Variants in EP300 observed in about 807,000 individuals in gnomAD.
EP300 encodes histone acetyltransferase p300.
In EP300, 31 loss-of-function variants were observed where a neutral mutation model predicts 264.0. The ratio of observed to expected loss-of-function variants is 0.12; its 90% CI spans 0.09 to 0.16. The LOEUF (loss-of-function observed/expected upper bound fraction) is 0.16, where lower values mean the gene tolerates loss of function less well. EP300 is among the 10% of genes least tolerant of loss of function. The probability of loss-of-function intolerance (pLI) is 1.00; values close to 1 mark genes in which losing one functional copy is unlikely to be tolerated. For synonymous variants in EP300, 1,340 were observed against 1,045.4 expected, an observed-to-expected ratio of 1.28 and a Z score of -5.44; for missense variants, 2,766 against 3,052.9, an observed-to-expected ratio of 0.91 and a Z score of 2.21.
chr22:41,137,546 G>A (rs1347017375), intron 7 of EP300, 107 bp from the exon 8 acceptor site: 11 of 1,453,266 alleles, frequency 7.6e-6, no homozygotes, highest in Non-Finnish European at 1.1e-5. Context: ...GCGAATAGAA[G>A]TGACATAGCA....
At chr22:41,172,785 C>A in intron 28 of EP300, 122 bp downstream of exon 28, 1 of 1,079,568 alleles carries the variant, frequency 9.3e-7, no homozygotes, top group Non-Finnish European at 1.4e-6. Context: ...TTAAGTTGGA[C>A]AAGAAATATT....
At chr22:41,127,284 C>G (rs1420020237) in intron 3 of EP300, among the ~76,000 whole-genome samples, 1 of 151,994 alleles carries the variant, frequency 6.6e-6, no homozygotes, top group Non-Finnish European at 1.5e-5. Context: ...ACTTATATCA[C>G]TTCGTAATGT....
chr22:41,168,444 C>G lies in EP300; in HGVS notation c.3875-5C>G, dbSNP rs2059152458. On this transcript the variant is annotated splice_polypyrimidine_tract_variant and splice_region_variant and intron_variant, in intron 23 of 30. Transcript: ENST00000263253. ...CTCAGTAACTTTTAACTTTTACATT[C>G]CTAGGGTTGCCATCTACCAGACTTG... The G allele has an allele frequency of 1.2e-6, 2 of 1,613,928 alleles. No homozygotes were observed. The highest frequency in any genetic ancestry group is 3.3e-5 in the Admixed American group (2 of 59,998).
chr22:41,157,032 C>A (rs574196718), intron 17 of EP300, 137 bp from the exon 18 acceptor site: 2 of 979,146 alleles, frequency 2.0e-6, no homozygotes, highest in Admixed American at 4.4e-5. Context: ...TGATGGACAT[C>A]AGTCACCTCT....
Position 41,149,814 on chromosome 22 carries a change from G to T in EP300, c.2433G>T (p.Gly811=), listed in dbSNP as rs758236037. ...CPVNSPIMPP[G]SQGSHIHCPQ... is the part of the protein sequence containing the mutation. ...TGAACTCTCCTATAATGCCTCCAGG[G>T]TCTCAGGGGAGCCACATTCACTGTC... Residue 811 remains glycine, a synonymous_variant, in exon 14 of 31, where the codon GGG becomes GGT. Transcript: ENST00000263253. The T allele has an allele frequency of 6.2e-7, 1 of 1,613,914 alleles. No individual in the cohort carries two copies. Among genetic ancestry groups the T allele is most frequent in the Non-Finnish European group, 8.5e-7 (1 of 1,179,968 alleles).
At chr22:41,110,705 C>T (rs2058785165) in intron 1 of EP300, among the ~76,000 whole-genome samples, 1 of 150,934 alleles carries the variant, frequency 6.6e-6, no homozygotes, top group Admixed American at 6.6e-5. Flanking sequence ...TTCTGGCTGT[C>T]TTTTCCTTTT....
intron 1 of EP300, among the ~76,000 whole-genome samples, chr22:41,114,144 T>C (rs1448534890): frequency 6.6e-6 from 1 of 152,152 alleles, no homozygotes; most frequent in Admixed American, 6.6e-5. Context: ...ATAGTGGTTT[T>C]AGGTCAGTTT....
intron 22 of EP300, among the ~76,000 whole-genome samples, chr22:41,165,466 C>T (rs1209974770): frequency 1.3e-5 from 2 of 152,100 alleles, no homozygotes; most frequent in Non-Finnish European, 2.9e-5. Flanking sequence ...TCTTGTTGCC[C>T]AGGCTGGAGT....
chr22:41,137,877 A>T (rs1056357066), intron 8 of EP300, 87 bp downstream of exon 8: 1 of 1,570,360 alleles, frequency 6.4e-7, no homozygotes, highest in Non-Finnish European at 8.7e-7. Flanking sequence ...TTACTAAAGG[A>T]ATATTAGCAA....
chr22:41,146,588 C>T (rs1260304166), intron 10 of EP300, 151 bp from the exon 11 acceptor site: 2 of 703,610 alleles, frequency 2.8e-6, no homozygotes, highest in African/African-American at 1.8e-5. Context: ...TTTCTTCAAG[C>T]TTCTGTCTAG....
rs1288457396 is a variant in EP300, at chr22:41,178,805, C to A, written c.7094C>A (p.Ala2365Asp). The A allele has an allele frequency of 6.2e-7, 1 of 1,614,148 alleles. No homozygotes were observed. Among genetic ancestry groups the A allele is most frequent in the South Asian group, 1.1e-5 (1 of 91,082 alleles). The change falls in exon 31 of 31, where the codon GCC becomes GAC. Residue 2365 changes from alanine (A) to aspartate (D), a missense_variant. Physicochemically the swap from Ala to Asp is moderately radical, Grantham distance 126. Coordinates refer to ENST00000263253, the MANE Select transcript of EP300 (RefSeq NM_001429.4). ...QANPMEQGHF[A>D]SPDQNSMLSQ... The stretch of plus-strand genomic sequence containing the variant: ...AACCCCATGGAACAAGGGCATTTTG[C>A]CAGCCCGGACCAGAATTCAATGCTT...
intron 5 of EP300, among the ~76,000 whole-genome samples, chr22:41,130,212 C>T (rs1056632758): frequency 6.7e-6 from 1 of 149,614 alleles, no homozygotes; most frequent in Admixed American, 6.7e-5. Context: ...GGTCATGTTA[C>T]TGCGCTCCAG....
rs548085617 is a variant in EP300 at position 41,110,544 on chromosome 22, C to T, written c.95-6643C>T. ...CTGGCCTCAAGTGATCCACCCGCCT[C>T]GGCCTCCCAAAGTAAAGTGCTGGGA... is the stretch of plus-strand genomic sequence containing the variant. On this transcript the variant is annotated intron_variant, in intron 1 of 30. Transcript: ENST00000263253. Among the ~76,000 whole-genome samples the T allele has an allele frequency of 3.0e-4, 45 of 151,906 alleles. 1 individual carries two copies. In the South Asian group the frequency reaches 6.3e-3, roughly 21 times the overall value.
Position 41,179,700 on chromosome 22 carries a change from TG to T in EP300, c.*745del, listed in dbSNP as rs532524940. ...TATACAGGGGCAGCTGCCAAATTGA[TG>T]TATTATATATTGTGGTTTCTGTTTC... On this transcript the variant is annotated 3_prime_UTR_variant, in exon 31 of 31. Coordinates refer to ENST00000263253, the MANE Select transcript of EP300 (RefSeq NM_001429.4). 439 of 229,730 alleles carry T rather than the reference TG, an allele frequency of 1.9e-3. 3 individuals carry two copies. Among genetic ancestry groups the T allele is most frequent in the African/African-American group, 9.1e-3 (412 of 45,124 alleles). 14.2% of individuals were successfully genotyped at this position (229,730 alleles called of 1,614,324 possible). A position where few individuals can be genotyped will look rare whatever the true frequency, so the allele number is the denominator to read the frequency against.
rs1190478920 is a variant in EP300 at position 41,178,587 on chromosome 22, A to G, written c.6876A>G (p.Pro2292=). Residue 2292 remains proline, a synonymous_variant, in exon 31 of 31, where the codon CCA becomes CCG. Transcript: ENST00000263253. The part of the protein sequence containing the change: ...QHMLPNQAQS[P]HLQGQQIPNS... ...TGCTCCCAAATCAGGCCCAGTCCCC[A>G]CACCTACAAGGCCAGCAGATCCCTA... 6.2e-7 allele frequency: 1 copy of G among 1,613,992 alleles called. No individual in the cohort carries two copies. Among genetic ancestry groups the G allele is most frequent in the Non-Finnish European group, 8.5e-7 (1 of 1,180,000 alleles).
At position 41,179,255 on chromosome 22, in the gene EP300, T is replaced by C. The variant is rs2059224962; in HGVS notation, c.*299T>C. On this transcript the variant is annotated 3_prime_UTR_variant, in exon 31 of 31. Coordinates refer to ENST00000263253, the MANE Select transcript of EP300 (RefSeq NM_001429.4). ...CTGAGGCCTGTGAAGCCAAACAATA[T>C]GCTCCTGCCTTGCACCTCCAATAGG... The C allele has an allele frequency of 2.6e-6, 1 of 391,376 alleles. No homozygotes were observed. The highest frequency in any genetic ancestry group is 4.1e-5 in the Admixed American group (1 of 24,106). The allele number at this position is 391,376 out of a possible 1,614,324, so 24.2% of individuals were successfully genotyped here.
chr22:41,107,422 TAAAA>T (rs35343837), intron 1 of EP300, among the ~76,000 whole-genome samples: 3 of 147,440 alleles, frequency 2.0e-5, no homozygotes, highest in South Asian at 4.2e-4. Context: ...GCCTTTTAAG[TAAAA>T]AAAAAAAAAA....
chr22:41,175,919 G>A (rs191042458), intron 29 of EP300: 133 of 351,186 alleles, frequency 3.8e-4, no homozygotes, highest in Non-Finnish European at 5.7e-4. Context: ...CTCAGCATTC[G>A]CCAGTCTCAT....
chr22:41,128,775 T>C (rs979100808), intron 4 of EP300, among the ~76,000 whole-genome samples: 3 of 152,070 alleles, frequency 2.0e-5, no homozygotes, highest in Non-Finnish European at 2.9e-5. Context: ...CCTCCCAAAG[T>C]GTTAGGATTA....
Sources: gnomAD v4.1 joint callset for allele counts (sites outside exome capture counted in the v4.1 genomes callset) on GRCh38, gnomAD v4.1.1 for gene constraint, MANE v1.5 for transcripts, NCBI Gene and HGNC (gene_info 2026-07-23, HGNC 2026-07-21) for gene names.